ERC2: variants seen among roughly 807,000 people sequenced by gnomAD.
The protein encoded by ERC2 is ERC protein 2.
Under a neutral mutation model 114.8 loss-of-function variants are expected in ERC2, and 42 were observed. That is an observed-to-expected ratio of 0.37 (90% CI 0.29 to 0.47). The LOEUF (loss-of-function observed/expected upper bound fraction) is 0.47. ERC2 is among the 20% of genes least tolerant of loss of function. The probability of loss-of-function intolerance (pLI) is 0.99; values close to 1 mark genes in which losing one functional copy is unlikely to be tolerated. For missense variants in ERC2, 939 were observed against 1,150.7 expected (o/e 0.82, Z 2.66); for synonymous variants, 454 against 425.5 (o/e 1.07, Z -0.82).
intron 4 of ERC2, among the ~76,000 whole-genome samples, chr3:56,164,515 GT>G (rs2082223409): frequency 6.6e-6 from 1 of 152,014 alleles, no homozygotes; most frequent in African/African-American, 2.4e-5. Context: ...CATTTGGGTT[GT>G]TTTAGCTTTT....
intron 13 of ERC2, among the ~76,000 whole-genome samples, chr3:55,918,376 C>G (rs1680188937): frequency 6.6e-6 from 1 of 152,034 alleles, no homozygotes; most frequent in Non-Finnish European, 1.5e-5. Flanking sequence ...GAATATCTTC[C>G]TTCTTAACAA....
intron 6 of ERC2, among the ~76,000 whole-genome samples, chr3:56,119,091 G>T (rs1392473678): frequency 6.6e-6 from 1 of 152,192 alleles, no homozygotes; most frequent in Non-Finnish European, 1.5e-5. Flanking sequence ...TTATGAATGG[G>T]CATGGATATG....
At chr3:56,075,161 G>A (rs1013371564) in intron 7 of ERC2, among the ~76,000 whole-genome samples, 2 of 151,948 alleles carry the variant, frequency 1.3e-5, no homozygotes, top group African/African-American at 4.8e-5. Context: ...TAAAAACAGA[G>A]CAGAAAGCTC....
chr3:56,297,133 A>G (rs2055496469), intron 2 of ERC2, among the ~76,000 whole-genome samples: 1 of 152,202 alleles, frequency 6.6e-6, no homozygotes. Context: ...TGAAAAAAAA[A>G]TGAAGCAAAA....
At chr3:56,063,937 A>T (rs189654584) in intron 7 of ERC2, among the ~76,000 whole-genome samples, 189 of 152,298 alleles carry the variant, frequency 1.2e-3, no homozygotes, top group African/African-American at 4.3e-3. Context: ...CATCTATAAC[A>T]TCATGTCTAC....
intron 14 of ERC2, among the ~76,000 whole-genome samples, chr3:55,793,150 C>T (rs577136227): frequency 2.6e-5 from 4 of 152,224 alleles, no homozygotes; most frequent in African/African-American, 4.8e-5. Flanking sequence ...CTGCAAACTC[C>T]GCCTCCCAGG....
chr3:55,536,346 G>A (rs761365135), intron 17 of ERC2, among the ~76,000 whole-genome samples: 1 of 152,072 alleles, frequency 6.6e-6, no homozygotes, highest in Non-Finnish European at 1.5e-5. Flanking sequence ...TGCTTCCAAG[G>A]CCCCGTACCT....
chr3:56,188,507 G>C (rs2083772851), intron 3 of ERC2, among the ~76,000 whole-genome samples: 1 of 152,160 alleles, frequency 6.6e-6, no homozygotes, highest in African/African-American at 2.4e-5. Context: ...CAACTTCCCT[G>C]GCTGCAGACA....
At chr3:56,041,253 T>C (rs1318085201) in intron 7 of ERC2, among the ~76,000 whole-genome samples, 1 of 152,268 alleles carries the variant, frequency 6.6e-6, no homozygotes, top group South Asian at 2.1e-4. Flanking sequence ...TAGGAAGTCA[T>C]CTGTTTTGGT....
rs1247948473 is a variant in ERC2 at position 56,343,188 on chromosome 3, T to TCACA, written c.658-46754_658-46753insTGTG. Among the ~76,000 whole-genome samples the TCACA allele has an allele frequency of 8.6e-4, 27 of 31,450 alleles. No individual in the cohort carries two copies. The South Asian group carries it at 0.028, about 32-fold the overall frequency. 20.6% of individuals were successfully genotyped at this position (31,450 alleles called of 152,430 possible). A position where few individuals can be genotyped will look rare whatever the true frequency, so the allele number is the denominator to read the frequency against. ...CTCTTTCTCTCTCTCTCTCTCTCTC[T>TCACA]CTCTCACACACACACACACACAAAC... On this transcript the variant is annotated intron_variant, in intron 2 of 17. Coordinates refer to ENST00000288221, the MANE Select transcript of ERC2 (RefSeq NM_015576.3).
intron 17 of ERC2, among the ~76,000 whole-genome samples, chr3:55,513,666 C>T (rs1184199988): frequency 6.6e-6 from 1 of 151,908 alleles, no homozygotes; most frequent in East Asian, 1.9e-4. Flanking sequence ...CAGGGTCTTG[C>T]TGTGTCACCC....
chr3:55,542,240 C>T (rs559303826), intron 17 of ERC2, among the ~76,000 whole-genome samples: 3 of 152,290 alleles, frequency 2.0e-5, no homozygotes, highest in African/African-American at 4.8e-5. Flanking sequence ...CCTTGTGCCA[C>T]GTTAATCCCC....
chr3:55,660,901 A>G (rs2061102133), intron 17 of ERC2, among the ~76,000 whole-genome samples: 1 of 152,220 alleles, frequency 6.6e-6, no homozygotes, highest in Non-Finnish European at 1.5e-5. Flanking sequence ...TGTGAAGAAC[A>G]AGGTAAGAAA....
chr3:55,810,001 G>A (rs182101027), intron 14 of ERC2, among the ~76,000 whole-genome samples: 2 of 152,274 alleles, frequency 1.3e-5, no homozygotes, highest in African/African-American at 4.8e-5. Context: ...AATAATCCAC[G>A]ATGACAAGAT....
chr3:55,926,264 C>T (rs1032559214), intron 13 of ERC2, among the ~76,000 whole-genome samples: 4 of 151,926 alleles, frequency 2.6e-5, no homozygotes, highest in African/African-American at 7.3e-5. Context: ...CAAAAATGAA[C>T]AGCAAAACGT....
chr3:56,192,237 T>A (rs2047835777), intron 3 of ERC2, among the ~76,000 whole-genome samples: 1 of 152,162 alleles, frequency 6.6e-6, no homozygotes, highest in Non-Finnish European at 1.5e-5. Flanking sequence ...CTAACATGAC[T>A]CCACAGTGTC....
At chr3:55,808,432 T>A (rs1272309013) in intron 14 of ERC2, among the ~76,000 whole-genome samples, 1 of 151,988 alleles carries the variant, frequency 6.6e-6, no homozygotes, top group African/African-American at 2.4e-5. Context: ...ACCATTTACA[T>A]CTGTAACTAT....
chr3:56,024,606 G>A (rs1009364530), intron 7 of ERC2, among the ~76,000 whole-genome samples: 1 of 152,218 alleles, frequency 6.6e-6, no homozygotes, highest in Non-Finnish European at 1.5e-5. Context: ...CAGCCCAACT[G>A]CAAGGGAGGC....
At chr3:56,228,076 T>C (rs1365133349) in intron 3 of ERC2, among the ~76,000 whole-genome samples, 1 of 152,174 alleles carries the variant, frequency 6.6e-6, no homozygotes, top group East Asian at 1.9e-4. Flanking sequence ...GAAGAGTGAT[T>C]ACCTCGAGGA....
Sources: allele counts gnomAD v4.1 joint callset (sites outside exome capture counted in the v4.1 genomes callset), GRCh38; gene constraint gnomAD v4.1.1; transcripts MANE v1.5; gene names NCBI Gene and HGNC (gene_info 2026-07-23, HGNC 2026-07-21).